Variants in CFI observed in about 807,000 individuals in gnomAD.
CFI encodes complement factor I, also known as C3B/C4B inactivator.
Under a neutral mutation model 78.8 loss-of-function variants are expected in CFI, and 66 were observed. The observed-to-expected ratio is 0.84, with a 90% confidence interval of 0.69 to 1.03. The LOEUF is 1.03. Among genes scored for constraint, CFI ranks in the 50% least tolerant of loss-of-function variants. The pLI is 0.00. For synonymous variants in CFI, 250 were observed against 232.6 expected (o/e 1.07, Z -0.68); for missense variants, 706 against 704.5 (o/e 1.00, Z -0.02).
chr4:109,753,565 A>T (rs1156873992), intron 7 of CFI, among the ~76,000 whole-genome samples: 1 of 26,276 alleles, frequency 3.8e-5, no homozygotes, highest in Non-Finnish European at 7.7e-5. Flanking sequence ...ATAAATAAAT[A>T]TTTATAATAT....
At chr4:109,768,013 T>A (rs1013547625) in intron 1 of CFI, among the ~76,000 whole-genome samples, 1 of 151,496 alleles carries the variant, frequency 6.6e-6, no homozygotes, top group African/African-American at 2.4e-5. Flanking sequence ...ACCATCATTC[T>A]CAGCAAACTA....
At chr4:109,794,781 A>C (rs1731849704) in intron 1 of CFI, among the ~76,000 whole-genome samples, 1 of 152,174 alleles carries the variant, frequency 6.6e-6, no homozygotes, top group Non-Finnish European at 1.5e-5. Flanking sequence ...TGACAGAGCA[A>C]GACTCTGTCT....
intron 4 of CFI, 29 bp downstream of exon 4, chr4:109,761,488 G>A: frequency 6.2e-7 from 1 of 1,610,022 alleles, no homozygotes; most frequent in Non-Finnish European, 8.5e-7. Flanking sequence ...TTCAAGGAAG[G>A]GAAAATAACA....
chr4:109,738,529 T>G (rs1356088445), downstream of CFI, among the ~76,000 whole-genome samples: 2 of 152,194 alleles, frequency 1.3e-5, no homozygotes, highest in Non-Finnish European at 2.9e-5. Flanking sequence ...ATACACCTCC[T>G]CCCTGCCGCC....
At chr4:109,756,889 GAAA>G (rs1726246598) in intron 7 of CFI, among the ~76,000 whole-genome samples, 1 of 9,766 alleles carries the variant, frequency 1.0e-4, no homozygotes. Context: ...AGAAAGAAAG[GAAA>G]GAAAGAAAGA....
Position 109,760,612 on chromosome 4 carries a change from T to C in CFI, c.683A>G (p.Gln228Arg), listed in dbSNP as rs775409716. 1.9e-6 allele frequency: 3 copies of C among 1,604,604 alleles called. No homozygotes were observed. The highest frequency in any genetic ancestry group is 2.6e-6 in the Non-Finnish European group (3 of 1,171,426). ...AGAAATGTATTTCCCATTCACACAC[T>C]GAAAGAAGTCATCCATTGGAGAATC... ...KADSPMDDFF[Q>R]CVNGKYISQM... The change falls in exon 5 of 13, where the codon CAG (glutamine) becomes CGG (arginine). Residue 228 changes from glutamine (Q) to arginine (R), a missense_variant. Coordinates refer to ENST00000394634, the MANE Select transcript of CFI (RefSeq NM_000204.5).
Position 109,766,425 on chromosome 4 carries a change from T to C in CFI, c.328+129A>G, listed in dbSNP as rs1186137055. The C allele has an allele frequency of 1.6e-5, 16 of 1,000,920 alleles. No homozygotes were observed. In the East Asian group the frequency reaches 3.7e-4, roughly 23 times the overall value. The allele number at this position is 1,000,920 out of a possible 1,614,324, so 62.0% of individuals were successfully genotyped here. On this transcript the variant is annotated intron_variant, in intron 2 of 12. Coordinates refer to ENST00000394634, the MANE Select transcript of CFI (RefSeq NM_000204.5). Reference sequence around the variant, plus strand: ...TGTTTAGTGATTACTCCAATTATTATTGAGAGTCTAGAAAAAAATTTTGAG... The same window carrying C: ...TGTTTAGTGATTACTCCAATTATTACTGAGAGTCTAGAAAAAAATTTTGAG...
chr4:109,786,836 T>C (rs760595159), intron 1 of CFI, among the ~76,000 whole-genome samples: 3 of 152,138 alleles, frequency 2.0e-5, no homozygotes, highest in Non-Finnish European at 2.9e-5. Flanking sequence ...AATGTGAATA[T>C]GATAATGATT....
At chr4:109,759,254 A>G (rs1278485925) in intron 6 of CFI, among the ~76,000 whole-genome samples, 1 of 29,088 alleles carries the variant, frequency 3.4e-5, no homozygotes, top group African/African-American at 4.7e-5. Context: ...CAGTTTCTCT[A>G]AAAAAAAAAA....
chr4:109,764,651 G>A lies in CFI; in HGVS notation c.368C>T (p.Ser123Leu). Residue 123 changes from serine to leucine, a missense_variant, in exon 3 of 13, where the codon TCA becomes TTA. Transcript: ENST00000394634. ...AAGTTTTACTTCAACTATTCCCTCT[G>A]AATCTGTATTTCCATGCTTCAAGGA... Reference protein sequence around the residue: ...SVSLKHGNTDSEGIVEVKLVD... With the variant: ...SVSLKHGNTDLEGIVEVKLVD... 6.2e-7 allele frequency: 1 copy of A among 1,613,916 alleles called. No homozygotes were observed. The highest frequency in any genetic ancestry group is 8.5e-7 in the Non-Finnish European group (1 of 1,179,932).
chr4:109,758,086 C>T, intron 6 of CFI: 1 of 598,368 alleles, frequency 1.7e-6, no homozygotes, highest in Non-Finnish European at 2.6e-6. Context: ...AATGCAAAGG[C>T]AGAGCTCATC....
intron 1 of CFI, among the ~76,000 whole-genome samples, chr4:109,776,928 AT>A (rs1258634228): frequency 1.3e-5 from 2 of 152,240 alleles, no homozygotes; most frequent in Admixed American, 6.5e-5. Flanking sequence ...ATGCTGAGAG[AT>A]TTTGTCACCA....
chr4:109,779,832 C>T (rs576389298), intron 1 of CFI, among the ~76,000 whole-genome samples: 1 of 152,236 alleles, frequency 6.6e-6, no homozygotes, highest in Admixed American at 6.5e-5. Context: ...TAATACTACA[C>T]ATCAACAACC....
At chr4:109,797,256 G>A (rs954114889) in intron 1 of CFI, among the ~76,000 whole-genome samples, 30 of 152,274 alleles carry the variant, frequency 2.0e-4, no homozygotes, top group African/African-American at 6.3e-4. Context: ...AAAGTAGAAA[G>A]TTCAGAGATA....
At chr4:109,756,933 GAAAGAAAGA>G (rs1726319972) in intron 7 of CFI, among the ~76,000 whole-genome samples, 1 of 146,492 alleles carries the variant, frequency 6.8e-6, no homozygotes, top group Non-Finnish European at 1.5e-5. Context: ...AAGAAAGAAA[GAAAGAAAGA>G]AAGAAAGAAA....
At chr4:109,800,147 T>C (rs1732579525) in intron 1 of CFI, among the ~76,000 whole-genome samples, 1 of 152,126 alleles carries the variant, frequency 6.6e-6, no homozygotes, top group Non-Finnish European at 1.5e-5. Context: ...GTTTCCAGGA[T>C]GTTGTCATTC....
chr4:109,756,774 G>T (rs900165050), intron 7 of CFI, among the ~76,000 whole-genome samples: 1 of 151,426 alleles, frequency 6.6e-6, no homozygotes, highest in Non-Finnish European at 1.5e-5. Context: ...GCAGAGAATT[G>T]CTTAAACCCG....
chr4:109,791,261 G>A (rs774348082), intron 1 of CFI, among the ~76,000 whole-genome samples: 3 of 151,874 alleles, frequency 2.0e-5, no homozygotes, highest in African/African-American at 4.8e-5. Context: ...AAAAGTATCT[G>A]TTCATGTCCT....
chr4:109,759,455 T>C (rs1328123767), intron 6 of CFI, among the ~76,000 whole-genome samples: 2 of 152,184 alleles, frequency 1.3e-5, no homozygotes, highest in Non-Finnish European at 2.9e-5. Context: ...TGTTATTAAA[T>C]GACGTTAGTG....
Sources: allele counts gnomAD v4.1 joint callset (sites outside exome capture counted in the v4.1 genomes callset), GRCh38; gene constraint gnomAD v4.1.1; transcripts MANE v1.5; gene names NCBI Gene and HGNC (gene_info 2026-07-23, HGNC 2026-07-21).